The following TAOK3 variants were observed in gnomAD, a reference collection of about 807,000 sequenced individuals.
TAOK3 encodes TAO kinase 3.
Under a neutral mutation model 120.4 loss-of-function variants are expected in TAOK3, and 40 were observed. That is an observed-to-expected ratio of 0.33 (90% confidence interval 0.26 to 0.43). The LOEUF is 0.43. Ranked by LOEUF, TAOK3 falls within the 20% of genes least tolerant of loss-of-function variation. The probability of loss-of-function intolerance (pLI) is 1.00; values close to 1 mark genes in which losing one functional copy is unlikely to be tolerated. For synonymous variants in TAOK3, 355 were observed against 387.5 expected (o/e 0.92, Z 0.99); for missense variants, 821 against 1,112.1 (o/e 0.74, Z 3.72).
intron 1 of TAOK3, among the ~76,000 whole-genome samples, chr12:118,338,800 A>G (rs1275769479): frequency 6.7e-6 from 1 of 149,790 alleles, no homozygotes; most frequent in Non-Finnish European, 1.5e-5. Context: ...AAAAAAAAAA[A>G]AAAAAAAAAA....
chr12:118,219,187 A>C (rs186800112), intron 9 of TAOK3, among the ~76,000 whole-genome samples: 49 of 152,152 alleles, frequency 3.2e-4, no homozygotes, highest in African/African-American at 1.1e-3. Flanking sequence ...GTTTTTCACA[A>C]ATGCTGTTTT....
At chr12:118,290,012 AAGAAAT>A (rs2042414655) in intron 1 of TAOK3, among the ~76,000 whole-genome samples, 1 of 152,034 alleles carries the variant, frequency 6.6e-6, no homozygotes, top group African/African-American at 2.4e-5. Context: ...AAAAAAGAGA[AAGAAAT>A]AGAATGAATC....
intron 8 of TAOK3, 51 bp downstream of exon 8, chr12:118,235,507 G>T: frequency 1.4e-6 from 2 of 1,416,356 alleles, no homozygotes; most frequent in Non-Finnish European, 2.0e-6. Context: ...CCATAGTTGA[G>T]TTCATGTATG....
rs753173458 is a variant in TAOK3 at position 118,177,261 on chromosome 12, C to T, written c.1635G>A (p.Leu545=). 1 of 1,613,066 alleles carries T rather than the reference C, an allele frequency of 6.2e-7. No individual in the cohort carries two copies. Among genetic ancestry groups the T allele is most frequent in the African/African-American group, 1.3e-5 (1 of 74,864 alleles). Residue 545 remains leucine, a synonymous_variant, in exon 16 of 21, where the codon TTG becomes TTA. Coordinates refer to ENST00000392533, the MANE Select transcript of TAOK3 (RefSeq NM_016281.4). ...TCTTCTGACTTTCTAAGAAAGTTGT[C>T]AAATCTTTCTTCTGCTGGGCCAAGA... ...QQILAQQKKD[L]TTFLESQKKQ...
At chr12:118,180,171 T>A (rs1386122082) in intron 15 of TAOK3, among the ~76,000 whole-genome samples, 19 of 141,728 alleles carry the variant, frequency 1.3e-4, no homozygotes, top group Admixed American at 1.3e-3. Flanking sequence ...TGGTCTCGAA[T>A]TCCTGACCTC....
At chr12:118,177,870 T>C (rs1280388051) in intron 15 of TAOK3, among the ~76,000 whole-genome samples, 1 of 151,940 alleles carries the variant, frequency 6.6e-6, no homozygotes, top group East Asian at 1.9e-4. Context: ...CATTCTGAAT[T>C]ATGGGAAAAA....
intron 1 of TAOK3, among the ~76,000 whole-genome samples, chr12:118,288,234 C>T (rs1415725001): frequency 3.3e-5 from 5 of 151,804 alleles, no homozygotes; most frequent in Non-Finnish European, 7.4e-5. Flanking sequence ...TTTACTTCTC[C>T]GGGAAAAGGT....
chr12:118,296,270 T>C (rs151091678), intron 1 of TAOK3, among the ~76,000 whole-genome samples: 7 of 152,302 alleles, frequency 4.6e-5, no homozygotes, highest in African/African-American at 1.2e-4. Flanking sequence ...TAGCTGGGAT[T>C]ACAGGCATGC....
intron 15 of TAOK3, among the ~76,000 whole-genome samples, chr12:118,177,607 T>C (rs530530940): frequency 6.6e-6 from 1 of 151,918 alleles, no homozygotes; most frequent in South Asian, 2.1e-4. Context: ...GCAGATCACC[T>C]GAGGTCGGGA....
In TAOK3 at chr12:118,181,381, A is replaced by T; in HGVS notation, c.1556T>A (p.Ile519Lys). The change falls in exon 15 of 21, where the codon ATA (isoleucine) becomes AAA (lysine). Residue 519 changes from isoleucine to lysine, a missense_variant. By Grantham distance (102) the Ile-to-Lys change is moderately radical (BLOSUM62 -3). Transcript: ENST00000392533. Reference sequence around the variant, plus strand: ...TGTGCACATACTGACCTCCTTTTCTATGATAGCCACTTGCTTCTTGGCCAG... The same window carrying T: ...TGTGCACATACTGACCTCCTTTTCTTTGATAGCCACTTGCTTCTTGGCCAG... ...EKLAKKQVAI[I>K]EKEAKVAAAD... The T allele has an allele frequency of 6.2e-7, 1 of 1,613,704 alleles. No individual in the cohort carries two copies.
chr12:118,357,554 T>A (rs1220285015), intron 1 of TAOK3, among the ~76,000 whole-genome samples: 4 of 152,184 alleles, frequency 2.6e-5, no homozygotes, highest in Admixed American at 2.0e-4. Context: ...AAGCAAACAG[T>A]TATAAGTGGT....
At chr12:118,250,834 C>T (rs912377574) in intron 3 of TAOK3, among the ~76,000 whole-genome samples, 5 of 152,118 alleles carry the variant, frequency 3.3e-5, no homozygotes, top group African/African-American at 1.2e-4. Context: ...GGAAAGCCTT[C>T]CCTGAAGAAA....
intron 17 of TAOK3, among the ~76,000 whole-genome samples, chr12:118,164,630 C>T (rs2035463392): frequency 6.6e-6 from 1 of 152,018 alleles, no homozygotes; most frequent in South Asian, 2.1e-4. Flanking sequence ...GTTGGCCAGG[C>T]TGTTCTCAAA....
At chr12:118,183,694 T>A (rs1593077157) in intron 14 of TAOK3, among the ~76,000 whole-genome samples, 2 of 152,230 alleles carry the variant, frequency 1.3e-5, no homozygotes, top group Non-Finnish European at 2.9e-5. Context: ...TACCATTTAG[T>A]CCTTTCTGAA....
chr12:118,286,878 C>T (rs1191786300), intron 1 of TAOK3, among the ~76,000 whole-genome samples: 1 of 152,168 alleles, frequency 6.6e-6, no homozygotes, highest in Non-Finnish European at 1.5e-5. Flanking sequence ...TAATGGGATA[C>T]TCTCAGCCAT....
intron 1 of TAOK3, among the ~76,000 whole-genome samples, chr12:118,283,082 G>A (rs1482349148): frequency 6.6e-6 from 1 of 152,162 alleles, no homozygotes; most frequent in Non-Finnish European, 1.5e-5. Context: ...GCCTGAGTAA[G>A]TTTTACAACC....
intron 13 of TAOK3, 179 bp downstream of exon 13, chr12:118,198,872 A>G: frequency 1.6e-6 from 1 of 612,792 alleles, no homozygotes; most frequent in Non-Finnish European, 2.9e-6. Flanking sequence ...AAATAGGCAC[A>G]GATGTAGCCT....
intron 1 of TAOK3, among the ~76,000 whole-genome samples, chr12:118,267,504 C>T (rs527724964): frequency 2.6e-5 from 4 of 150,982 alleles, no homozygotes; most frequent in Middle Eastern, 6.9e-3. Context: ...CGTGAGCCAC[C>T]GCGCCCGGCT....
intron 1 of TAOK3, among the ~76,000 whole-genome samples, chr12:118,349,374 C>G (rs2141205112): frequency 6.6e-6 from 1 of 152,278 alleles, no homozygotes; most frequent in East Asian, 1.9e-4. Flanking sequence ...TCCATCAACT[C>G]TTGAATAATC....
Sources: gnomAD v4.1 joint callset for allele counts (sites outside exome capture counted in the v4.1 genomes callset) on GRCh38, gnomAD v4.1.1 for gene constraint, MANE v1.5 for transcripts, NCBI Gene and HGNC (gene_info 2026-07-23, HGNC 2026-07-21) for gene names.